The following TPO variants were observed in gnomAD, a reference collection of about 807,000 sequenced individuals.
TPO encodes the protein thyroid microsomal antigen.
A neutral mutation model predicts 96.9 loss-of-function variants in TPO; 78 were observed. The observed-to-expected ratio is 0.81, with a 90% CI of 0.67 to 0.97. The LOEUF is 0.97. Ranked by LOEUF, TPO falls within the 50% of genes least tolerant of loss-of-function variation. The pLI, the probability that TPO is intolerant of heterozygous loss-of-function variation, is 0.00. For missense variants in TPO, 1,252 were observed against 1,274.8 expected, an observed-to-expected ratio of 0.98 and a Z score of 0.27; for synonymous variants, 547 against 538.0, an observed-to-expected ratio of 1.02 and a Z score of -0.23.
intron 1 of TPO, among the ~76,000 whole-genome samples, chr2:1,374,728 T>TC (rs1305516025): frequency 2.7e-5 from 4 of 146,770 alleles, no homozygotes; most frequent in Non-Finnish European, 4.5e-5. Flanking sequence ...TTTCTTTCTT[T>TC]TTTTTTTTTT....
At chr2:1,512,331 C>T in intron 14 of TPO, 3 of 922,502 alleles carry the variant, frequency 3.3e-6, no homozygotes, top group Non-Finnish European at 2.6e-6. Flanking sequence ...CGTTCCCTCC[C>T]AGTGCTACCT....
At chr2:1,530,889 C>G (rs1472873726) in intron 15 of TPO, among the ~76,000 whole-genome samples, 1 of 111,746 alleles carries the variant, frequency 8.9e-6, no homozygotes, top group Non-Finnish European at 1.8e-5. Flanking sequence ...AATCCCCCCA[C>G]TGTGTGCAAC....
At chr2:1,428,599 TG>T (rs1664665994) in intron 3 of TPO, among the ~76,000 whole-genome samples, 1 of 152,048 alleles carries the variant, frequency 6.6e-6, no homozygotes, top group African/African-American at 2.4e-5. Context: ...GTCCCATGGG[TG>T]CCAGGCAAAA....
chr2:1,431,394 C>T (rs112369704), intron 3 of TPO, among the ~76,000 whole-genome samples: 32 of 152,292 alleles, frequency 2.1e-4, no homozygotes, highest in African/African-American at 6.3e-4. Flanking sequence ...TTGCACAGCC[C>T]GCAGAACCTT....
intron 1 of TPO, among the ~76,000 whole-genome samples, chr2:1,374,922 G>A (rs1661699099): frequency 6.6e-6 from 1 of 151,434 alleles, no homozygotes; most frequent in African/African-American, 2.4e-5. Flanking sequence ...GTAGAGACGG[G>A]GTTTCACTGT....
chr2:1,383,046 G>C (rs1049206846), intron 1 of TPO, among the ~76,000 whole-genome samples: 1 of 151,938 alleles, frequency 6.6e-6, no homozygotes, highest in African/African-American at 2.4e-5. Flanking sequence ...CCCTACAAAG[G>C]ACATGAACTC....
chr2:1,537,470 T>TCAAATCCCTATGTGTGCCACCTCCC, intron 15 of TPO, among the ~76,000 whole-genome samples: 1 of 46,442 alleles, frequency 2.2e-5, no homozygotes, highest in South Asian at 1.0e-3. Flanking sequence ...TGCAACCTCC[T>TCAAATCCCTATGTGTGCCACCTCCC]CAAATTCTTC....
intron 1 of TPO, among the ~76,000 whole-genome samples, chr2:1,399,390 T>C (rs1662131609): frequency 6.6e-6 from 1 of 152,212 alleles, no homozygotes; most frequent in Non-Finnish European, 1.5e-5. Flanking sequence ...AGTGGACACC[T>C]GAAGCCATGG....
At chr2:1,386,845 G>A (rs1346408647) in intron 1 of TPO, among the ~76,000 whole-genome samples, 3 of 152,140 alleles carry the variant, frequency 2.0e-5, no homozygotes, top group Admixed American at 2.0e-4. Context: ...TGCAGTGGCT[G>A]GTACCAGTTG....
chr2:1,398,554 G>A (rs1270210182), intron 1 of TPO, among the ~76,000 whole-genome samples: 2 of 152,174 alleles, frequency 1.3e-5, no homozygotes, highest in Admixed American at 6.5e-5. Flanking sequence ...GACATCACAG[G>A]CGGAGACCTC....
intron 1 of TPO, among the ~76,000 whole-genome samples, chr2:1,396,406 G>A (rs1026150036): frequency 6.6e-6 from 1 of 152,220 alleles, no homozygotes; most frequent in South Asian, 2.1e-4. Flanking sequence ...AAGTATAGAC[G>A]TCCCGCAGTT....
intron 15 of TPO, among the ~76,000 whole-genome samples, chr2:1,536,186 CCCCCCACTGTGTGCAACCTCCCGAAATCG>C (rs1679615876): frequency 5.5e-5 from 2 of 36,410 alleles, no homozygotes; most frequent in African/African-American, 2.0e-4. Context: ...CCCCCCAAAT[CCCCCCACTGTGTGCAACCTCCCGAAATCG>C]CCCCCACTGT....
At position 1,433,433 on chromosome 2, in the gene TPO, C is replaced by T; in HGVS notation, c.180-5C>T. The T allele has an allele frequency of 6.2e-7, 1 of 1,614,140 alleles. No homozygotes were observed. Among genetic ancestry groups the T allele is most frequent in the Non-Finnish European group, 8.5e-7 (1 of 1,180,024 alleles). On this transcript the variant is annotated splice_polypyrimidine_tract_variant and splice_region_variant and intron_variant, in intron 3 of 16. Transcript: ENST00000329066. ...TCTATTTTATATCTTCTTTATGTGC[C>T]ATAGAAACCTCAAGAAAAGAGGAAT... is the stretch of plus-strand genomic sequence containing the variant.
In TPO at chr2:1,484,792, C is replaced by T; in HGVS notation, c.1535C>T (p.Pro512Leu). The T allele has an allele frequency of 6.2e-7, 1 of 1,614,082 alleles. No individual in the cohort carries two copies. Among genetic ancestry groups the T allele is most frequent in the Non-Finnish European group, 8.5e-7 (1 of 1,180,038 alleles). ...RRLDASFQEH[P>L]DLPGLWLHQA... is the part of the protein sequence containing the mutation. ...CTGGACGCCAGCTTCCAGGAGCACC[C>T]CGACCTGCCCGGGCTGTGGCTGCAC... The change falls in exon 9 of 17, where the codon CCC (proline) becomes CTC (leucine). Residue 512 changes from proline to leucine, a missense_variant. Pro to Leu is a moderately conservative substitution (Grantham distance 98, BLOSUM62 -3). Transcript: ENST00000329066.
In TPO at chr2:1,456,240, C is replaced by T. The variant is rs746540469; in HGVS notation, c.777C>T (p.Cys259=). 1 of 1,614,104 alleles carries T rather than the reference C, an allele frequency of 6.2e-7. No individual in the cohort carries two copies. The highest frequency in any genetic ancestry group is 2.2e-5 in the East Asian group (1 of 44,890). The change falls in exon 7 of 17, where the codon TGC becomes TGT. Residue 259 remains cysteine, a synonymous_variant. Coordinates refer to ENST00000329066, the MANE Select transcript of TPO (RefSeq NM_001206744.2). The part of the protein sequence containing the change: ...SKAAFGGGAD[C]QMTCENQNPC... ...CTGCCTTCGGGGGAGGGGCTGACTG[C>T]CAGATGACTTGTGAGAACCAAAACC...
At chr2:1,497,208 C>G (rs529288185) in intron 13 of TPO, among the ~76,000 whole-genome samples, 1 of 152,318 alleles carries the variant, frequency 6.6e-6, no homozygotes, top group Admixed American at 6.5e-5. Context: ...GGTTCCACTC[C>G]CAGCCTCCCG....
At chr2:1,514,845 TCA>T (rs2125066028) in intron 14 of TPO, among the ~76,000 whole-genome samples, 1 of 152,326 alleles carries the variant, frequency 6.6e-6, no homozygotes, top group Non-Finnish European at 1.5e-5. Flanking sequence ...CAGGCTCGTT[TCA>T]CACTTTTGGG....
At chr2:1,499,573 G>A (rs764405296) in intron 13 of TPO, among the ~76,000 whole-genome samples, 23 of 139,550 alleles carry the variant, frequency 1.6e-4, no homozygotes, top group Admixed American at 7.1e-4. Context: ...CACCTGCGGC[G>A]TCTGGGGCCA....
chr2:1,538,950 TCTGTCTTTA>T (rs1680401801), intron 15 of TPO, among the ~76,000 whole-genome samples: 1 of 152,148 alleles, frequency 6.6e-6, no homozygotes, highest in African/African-American at 2.4e-5. Flanking sequence ...AACCTCTCCC[TCTGTCTTTA>T]CCCGGCCTTC....
Sources: allele counts gnomAD v4.1 joint callset (sites outside exome capture counted in the v4.1 genomes callset), GRCh38; gene constraint gnomAD v4.1.1; transcripts MANE v1.5; gene names NCBI Gene and HGNC (gene_info 2026-07-23, HGNC 2026-07-21).